Variants in GPR158 observed in about 807,000 individuals in gnomAD.
GPR158 encodes the protein metabotropic glycine receptor.
Under a neutral mutation model 78.2 loss-of-function variants are expected in GPR158, and 30 were observed. That is an observed-to-expected ratio of 0.38 (90% CI 0.29 to 0.52). GPR158 has a LOEUF of 0.52. Ranked by LOEUF, GPR158 falls within the 20% of genes least tolerant of loss-of-function variation. GPR158 has a pLI of 0.83. For synonymous variants in GPR158, 581 were observed against 591.1 expected, an observed-to-expected ratio of 0.98 and a Z score of 0.25; for missense variants, 1,463 against 1,523.5, an observed-to-expected ratio of 0.96 and a Z score of 0.66.
intron 5 of GPR158, among the ~76,000 whole-genome samples, chr10:25,519,554 T>G (rs888728446): frequency 1.4e-5 from 2 of 142,172 alleles, no homozygotes; most frequent in Admixed American, 6.8e-5. Flanking sequence ...CAGGAGCTCT[T>G]TTAGGGCAGG....
At chr10:25,241,156 T>C (rs1853603265) in intron 2 of GPR158, among the ~76,000 whole-genome samples, 1 of 123,844 alleles carries the variant, frequency 8.1e-6, no homozygotes, top group Non-Finnish European at 1.6e-5. Flanking sequence ...TTTCTTTCTT[T>C]CTTTCTTTCT....
At chr10:25,193,145 G>A (rs1312510975) in intron 1 of GPR158, among the ~76,000 whole-genome samples, 1 of 152,192 alleles carries the variant, frequency 6.6e-6, no homozygotes, top group Non-Finnish European at 1.5e-5. Flanking sequence ...ATAGAATAGT[G>A]AAGACAACAG....
chr10:25,470,430 C>T (rs144869501), intron 5 of GPR158, among the ~76,000 whole-genome samples: 274 of 152,082 alleles, frequency 1.8e-3, no homozygotes, highest in African/African-American at 6.3e-3. Flanking sequence ...CACCAGAAAC[C>T]GGATGCTGAC....
chr10:25,534,659 CAGG>C (rs1836474770), intron 5 of GPR158, among the ~76,000 whole-genome samples: 1 of 151,300 alleles, frequency 6.6e-6, no homozygotes. Context: ...GAAGCTAACA[CAGG>C]AGAATCGCTT....
At chr10:25,302,904 G>A (rs1047990588) in intron 2 of GPR158, among the ~76,000 whole-genome samples, 2 of 152,156 alleles carry the variant, frequency 1.3e-5, no homozygotes, top group African/African-American at 2.4e-5. Flanking sequence ...GCAATCAGAT[G>A]ATACCAACGT....
chr10:25,397,837 C>A (rs1281428719), intron 3 of GPR158, among the ~76,000 whole-genome samples: 1 of 152,084 alleles, frequency 6.6e-6, no homozygotes, highest in Non-Finnish European at 1.5e-5. Flanking sequence ...TATTTAGCAA[C>A]ATAAGAGAGT....
chr10:25,324,987 C>T (rs371250088), intron 2 of GPR158, among the ~76,000 whole-genome samples: 4 of 151,562 alleles, frequency 2.6e-5, no homozygotes, highest in East Asian at 3.9e-4. Context: ...TATAGGTGCC[C>T]ATCACAATAT....
chr10:25,319,861 A>C (rs921500602), intron 2 of GPR158, among the ~76,000 whole-genome samples: 4 of 141,690 alleles, frequency 2.8e-5, no homozygotes, highest in African/African-American at 1.0e-4. Flanking sequence ...TTTTCTGTGT[A>C]CTGTGGCAAA....
In GPR158 at chr10:25,524,624, T is replaced by C. The variant is rs142475537; in HGVS notation, c.1405-26352T>C. ...TTGGATCCCTAGTTCATACCACATA[T>C]AAAATTTAACTCAAAACAGCTCAGA... On this transcript the variant is annotated intron_variant, in intron 5 of 10. Coordinates refer to ENST00000376351, the MANE Select transcript of GPR158 (RefSeq NM_020752.3). 2.2e-4 allele frequency among the ~76,000 whole-genome samples: 33 copies of C among 152,260 alleles called. No individual in the cohort carries two copies. In the East Asian group the frequency reaches 5.6e-3, roughly 26 times the overall value.
intron 5 of GPR158, among the ~76,000 whole-genome samples, 193 bp downstream of exon 5, chr10:25,466,912 T>C (rs1447048260): frequency 6.6e-6 from 1 of 152,150 alleles, no homozygotes; most frequent in East Asian, 1.9e-4. Context: ...CAAAGGTTTA[T>C]TGAAGGAAGT....
chr10:25,180,798 G>A (rs78266835), intron 1 of GPR158, among the ~76,000 whole-genome samples: 4,525 of 151,982 alleles, frequency 0.03, 228 homozygotes, highest in African/African-American at 0.1. Context: ...CCTTGTGGAA[G>A]TGATATGGGA....
chr10:25,265,220 G>T (rs1004671323), intron 2 of GPR158, among the ~76,000 whole-genome samples: 1 of 152,112 alleles, frequency 6.6e-6, no homozygotes, highest in Non-Finnish European at 1.5e-5. Context: ...TCTGTGGTTG[G>T]TTCTGAACAA....
chr10:25,444,360 G>C (rs575403245), intron 4 of GPR158, among the ~76,000 whole-genome samples: 4 of 151,770 alleles, frequency 2.6e-5, no homozygotes, highest in Admixed American at 1.3e-4. Context: ...AAGTGTATGC[G>C]TGCGGTAGTT....
chr10:25,551,936 A>C (rs1234853358), intron 6 of GPR158, among the ~76,000 whole-genome samples: 2 of 152,138 alleles, frequency 1.3e-5, no homozygotes, highest in Non-Finnish European at 2.9e-5. Context: ...CTGGCCATAC[A>C]TGTTTCTGAA....
chr10:25,501,273 A>G (rs1346006492), intron 5 of GPR158, among the ~76,000 whole-genome samples: 1 of 152,176 alleles, frequency 6.6e-6, no homozygotes, highest in East Asian at 1.9e-4. Context: ...CACTCGGGGC[A>G]TGGCGTCCTT....
intron 2 of GPR158, among the ~76,000 whole-genome samples, chr10:25,221,645 G>A (rs1436728802): frequency 3.3e-5 from 5 of 152,154 alleles, no homozygotes; most frequent in Admixed American, 6.6e-5. Flanking sequence ...GTATATGTGT[G>A]TGTATTTGTT....
chr10:25,543,235 C>T (rs932032310), intron 5 of GPR158, among the ~76,000 whole-genome samples: 19 of 152,186 alleles, frequency 1.2e-4, no homozygotes, highest in African/African-American at 4.3e-4. Flanking sequence ...ATTCTCATGC[C>T]TCAGTCCCCC....
chr10:25,321,642 AAAAT>A (rs745807305), intron 2 of GPR158, among the ~76,000 whole-genome samples: 42 of 83,896 alleles, frequency 5.0e-4, no homozygotes, highest in Non-Finnish European at 3.5e-4. Context: ...ACCCTCCTTT[AAAAT>A]AAACAAACAA....
chr10:25,218,818 T>A (rs1023587019), intron 1 of GPR158, among the ~76,000 whole-genome samples: 3 of 151,978 alleles, frequency 2.0e-5, no homozygotes, highest in Non-Finnish European at 4.4e-5. Context: ...TTCTATTTCA[T>A]CCCCTTTATC....
Sources: allele counts gnomAD v4.1 joint callset (sites outside exome capture counted in the v4.1 genomes callset), GRCh38; gene constraint gnomAD v4.1.1; transcripts MANE v1.5; gene names NCBI Gene and HGNC (gene_info 2026-07-23, HGNC 2026-07-21).